FAM193A: variants seen among roughly 807,000 people sequenced by gnomAD.
FAM193A encodes family with sequence similarity 193 member A, also known as protein FAM193A.
FAM193A carries 22 observed loss-of-function variants against 126.5 expected under a neutral mutation model. The ratio of observed to expected loss-of-function variants is 0.17; its 90% CI spans 0.12 to 0.25. FAM193A has a LOEUF of 0.25. Ranked by LOEUF, FAM193A falls within the 10% of genes least tolerant of loss-of-function variation. FAM193A has a pLI of 1.00. For synonymous variants in FAM193A, 761 were observed against 646.8 expected, an observed-to-expected ratio of 1.18 and a Z score of -2.68; for missense variants, 1,675 against 1,672.8, an observed-to-expected ratio of 1.00 and a Z score of -0.02.
At chr4:2,624,153 A>G (rs1004809889) in intron 2 of FAM193A, among the ~76,000 whole-genome samples, 2 of 151,376 alleles carry the variant, frequency 1.3e-5, no homozygotes, top group African/African-American at 4.9e-5. Flanking sequence ...CGTGGGACAT[A>G]GGAAGGTCTT....
At chr4:2,722,835 G>A (rs925432022) in intron 20 of FAM193A, among the ~76,000 whole-genome samples, 8 of 151,572 alleles carry the variant, frequency 5.3e-5, no homozygotes, top group Non-Finnish European at 1.0e-4. Context: ...AGACAAATAA[G>A]TAAGTAAGTA....
At chr4:2,658,789 C>T (rs951731529) in intron 8 of FAM193A, among the ~76,000 whole-genome samples, 7 of 152,150 alleles carry the variant, frequency 4.6e-5, no homozygotes, top group African/African-American at 9.7e-5. Context: ...CTCACTCTGT[C>T]GTCCAGGCTG....
At chr4:2,562,121 ATAATTG>A (rs1361684499) in intron 1 of FAM193A, among the ~76,000 whole-genome samples, 1 of 152,086 alleles carries the variant, frequency 6.6e-6, no homozygotes, top group East Asian at 1.9e-4. Context: ...TAACTTTATG[ATAATTG>A]TAATTGTCAC....
intron 1 of FAM193A, among the ~76,000 whole-genome samples, chr4:2,567,319 A>C (rs1482967967): frequency 1.3e-5 from 2 of 152,150 alleles, no homozygotes; most frequent in Admixed American, 6.6e-5. Context: ...TGAGATTGAA[A>C]ACCAGTTTTC....
At chr4:2,726,739 C>T (rs922659438) in intron 20 of FAM193A, among the ~76,000 whole-genome samples, 2 of 141,662 alleles carry the variant, frequency 1.4e-5, no homozygotes, top group African/African-American at 2.7e-5. Flanking sequence ...TGAGACCATC[C>T]TGGCCGACAT....
In FAM193A at chr4:2,693,707, T is replaced by C; in HGVS notation, c.2925T>C (p.Ala975=). Residue 975 remains alanine (A), a synonymous_variant, in exon 16 of 21, where the codon GCT becomes GCC. Transcript: ENST00000637812. ...PALSPAALSP[A]ALSPASTPHL... is the part of the protein sequence containing the mutation. ...TCTCGCCTGCTGCGCTGTCACCTGCTGCGCTCTCACCTGCCTCCACACCTC... is the reference window on the plus strand; with the variant it reads ...TCTCGCCTGCTGCGCTGTCACCTGCCGCGCTCTCACCTGCCTCCACACCTC... 1 of 1,614,144 alleles carries C rather than the reference T, an allele frequency of 6.2e-7. No individual in the cohort carries two copies. The highest frequency in any genetic ancestry group is 1.1e-5 in the South Asian group (1 of 91,086).
At chr4:2,678,569 GC>G (rs1714717160) in intron 13 of FAM193A, among the ~76,000 whole-genome samples, 1 of 151,514 alleles carries the variant, frequency 6.6e-6, no homozygotes, top group East Asian at 1.9e-4. Flanking sequence ...CACCATGTTG[GC>G]CAGGCTGGTC....
rs34305537 is a variant in FAM193A at position 2,620,836 on chromosome 4, C to CAAAAAAAAAAAAAAAAAAAAAAAAA, written c.502-4404_502-4403insAAAAAAAAAAAAAAAAAAAAAAAAA. Among the ~76,000 whole-genome samples the CAAAAAAAAAAAAAAAAAAAAAAAAA allele has an allele frequency of 3.2e-4, 22 of 69,090 alleles. 1 individual carries two copies. The highest frequency in any genetic ancestry group is 4.9e-4 in the Non-Finnish European group (18 of 36,740). The allele number at this position is 69,090 out of a possible 152,430, so 45.3% of individuals were successfully genotyped here. Reference sequence around the variant, plus strand: ...GGGCAAGAAGACTGCAACTCCGTCTCAAAAAAAAAAAAAAAAAAAAAAGTA... The same window carrying CAAAAAAAAAAAAAAAAAAAAAAAAA: ...GGGCAAGAAGACTGCAACTCCGTCTCAAAAAAAAAAAAAAAAAAAAAAAAAAAAAAAAAAAAAAAAAAAAAAAGTA... On this transcript the variant is annotated intron_variant, in intron 2 of 20. Transcript: ENST00000637812.
intron 5 of FAM193A, among the ~76,000 whole-genome samples, chr4:2,636,987 A>G (rs1744147750): frequency 6.6e-6 from 1 of 152,234 alleles, no homozygotes; most frequent in Admixed American, 6.5e-5. Flanking sequence ...TGGGGGATCA[A>G]ACAGGATAAT....
At chr4:2,616,584 G>A (rs1218172410) in intron 2 of FAM193A, among the ~76,000 whole-genome samples, 1 of 150,426 alleles carries the variant, frequency 6.6e-6, no homozygotes, top group Non-Finnish European at 1.5e-5. Context: ...TTGAAACAGG[G>A]TCTCACTCTG....
At chr4:2,661,637 A>G (rs1252177577) in intron 10 of FAM193A, among the ~76,000 whole-genome samples, 1 of 152,116 alleles carries the variant, frequency 6.6e-6, no homozygotes, top group African/African-American at 2.4e-5. Flanking sequence ...GTTACTTGTA[A>G]TGTGTTGAAA....
chr4:2,729,294 A>G (rs1721114232), intron 20 of FAM193A, among the ~76,000 whole-genome samples: 1 of 152,044 alleles, frequency 6.6e-6, no homozygotes, highest in Admixed American at 6.5e-5. Flanking sequence ...GAGCATGCGC[A>G]TGCTCCAGTA....
chr4:2,678,548 A>G (rs1310779150), intron 13 of FAM193A, among the ~76,000 whole-genome samples: 2 of 151,658 alleles, frequency 1.3e-5, no homozygotes, highest in African/African-American at 4.8e-5. Flanking sequence ...TTTTTAGTAG[A>G]GACGGGGTTT....
At chr4:2,650,890 C>A (rs1407641699) in intron 7 of FAM193A, among the ~76,000 whole-genome samples, 6 of 152,322 alleles carry the variant, frequency 3.9e-5, no homozygotes, top group South Asian at 2.1e-4. Flanking sequence ...CCAGAGAACG[C>A]TGTCTCAGGG....
intron 15 of FAM193A, among the ~76,000 whole-genome samples, chr4:2,691,867 C>T (rs1474996249): frequency 6.6e-6 from 1 of 151,846 alleles, no homozygotes; most frequent in African/African-American, 2.4e-5. Context: ...TCAAACAGAG[C>T]AGTAGGGTGG....
intron 2 of FAM193A, among the ~76,000 whole-genome samples, chr4:2,603,228 G>T (rs1577063200): frequency 6.7e-6 from 1 of 148,272 alleles, no homozygotes; most frequent in African/African-American, 2.5e-5. Flanking sequence ...CTCGTGACCT[G>T]CCCACCTCGG....
In FAM193A at chr4:2,608,115, A is replaced by G. The variant is rs1028044748; in HGVS notation, c.501+11786A>G. On this transcript the variant is annotated intron_variant, in intron 2 of 20. Coordinates refer to ENST00000637812, the MANE Select transcript of FAM193A (RefSeq NM_001366318.2). Reference sequence around the variant, plus strand: ...CAGATTAGTGCTTCCACGATCTACTATATCTCCTTGTAGATTGATCTTAAC... The same window carrying G: ...CAGATTAGTGCTTCCACGATCTACTGTATCTCCTTGTAGATTGATCTTAAC... 64 of 1,608,164 alleles carry G rather than the reference A, an allele frequency of 4.0e-5. No homozygotes were observed. The East Asian group carries it at 4.5e-4, about 11-fold the overall frequency.
At chr4:2,642,922 A>G (rs962614247) in intron 6 of FAM193A, among the ~76,000 whole-genome samples, 17 of 151,974 alleles carry the variant, frequency 1.1e-4, no homozygotes, top group African/African-American at 3.6e-4. Context: ...TTTTTAGTAG[A>G]GACGGGGTTT....
intron 3 of FAM193A, 131 bp downstream of exon 3, chr4:2,625,526 G>A (rs1560492199): frequency 1.2e-5 from 6 of 517,472 alleles, no homozygotes; most frequent in Admixed American, 3.3e-5. Flanking sequence ...CTTCGCTATT[G>A]AGAGAAAGAA....
Sources: gnomAD v4.1 joint callset for allele counts (sites outside exome capture counted in the v4.1 genomes callset) on GRCh38, gnomAD v4.1.1 for gene constraint, MANE v1.5 for transcripts, NCBI Gene and HGNC (gene_info 2026-07-23, HGNC 2026-07-21) for gene names.